The following ASPM variants were observed in gnomAD, a reference collection of about 807,000 sequenced individuals.
ASPM encodes abnormal spindle-like microcephaly-associated protein.
In ASPM, 256 loss-of-function variants were observed where a neutral mutation model predicts 366.4. The observed-to-expected ratio is 0.70, with a 90% CI of 0.63 to 0.77. ASPM has a LOEUF of 0.77. ASPM is among the 30% of genes least tolerant of loss of function. The pLI is 0.00. For synonymous variants in ASPM, 1,414 were observed against 1,342.9 expected (o/e 1.05, Z -1.16); for missense variants, 4,146 against 4,090.4 (o/e 1.01, Z -0.37).
intron 17 of ASPM, among the ~76,000 whole-genome samples, chr1:197,106,924 G>A (rs1361368638): frequency 6.6e-6 from 1 of 152,038 alleles, no homozygotes; most frequent in Non-Finnish European, 1.5e-5. Context: ...TCTGCAGCAG[G>A]TTGAGTGCAT....
intron 17 of ASPM, among the ~76,000 whole-genome samples, chr1:197,111,399 A>G (rs942372793): frequency 2.6e-5 from 4 of 152,014 alleles, no homozygotes; most frequent in African/African-American, 9.7e-5. Flanking sequence ...TCACCCGTCA[A>G]GATGGCTGTT....
intron 3 of ASPM, among the ~76,000 whole-genome samples, chr1:197,140,221 A>G (rs1452402225): frequency 6.6e-6 from 1 of 152,230 alleles, no homozygotes; most frequent in East Asian, 1.9e-4. Flanking sequence ...CTGGTAAAAA[A>G]AGAAGTTTAA....
rs1255457107 is a variant in ASPM, at chr1:197,104,327, C to A, written c.4924G>T (p.Ala1642Ser). The change falls in exon 18 of 28, where the codon GCA (alanine) becomes TCA (serine). Residue 1642 changes from alanine (A) to serine (S), a missense_variant. Physicochemically the swap from Ala to Ser is moderately conservative, Grantham distance 99. Around this residue, in one of 3 missense-constraint regions of ASPM, gnomAD observed 3,624 missense variants for 3,591.7 expected, o/e 1.01. Coordinates refer to ENST00000367409, the MANE Select transcript of ASPM (RefSeq NM_018136.5). ...TTCCTGGCTTGCATCCCTCTATATG[C>A]AGACTGCAGCACAATGACAGCAGAG... ...TRSAVIVLQS[A>S]YRGMQARKMY... 1 of 1,613,030 alleles carries A rather than the reference C, an allele frequency of 6.2e-7. No individual in the cohort carries two copies. The highest frequency in any genetic ancestry group is 1.3e-5 in the African/African-American group (1 of 74,928).
In ASPM at chr1:197,084,504, TA is replaced by T. The variant is rs1558319852; in HGVS notation, c.10332-79del. On this transcript the variant is annotated intron_variant, in intron 27 of 27. Transcript: ENST00000367409. ...TTACCTTCACCTTTTTTCTCTTAAC[TA>T]AATTGTAGCTACTCCTGAACACATC... is the stretch of plus-strand genomic sequence containing the variant. The T allele has an allele frequency of 4.8e-5, 46 of 957,854 alleles. 1 individual carries two copies. The highest frequency in any genetic ancestry group is 3.0e-4 in the South Asian group (22 of 73,584). The allele number at this position is 957,854 out of a possible 1,614,324, so 59.3% of individuals were successfully genotyped here. A position where few individuals can be genotyped will look rare whatever the true frequency, so the allele number is the denominator to read the frequency against.
rs750568990 is a variant in ASPM, at chr1:197,101,822, ACTT to A, written c.7426_7428del (p.Lys2476del). On this transcript the variant is annotated inframe_deletion, in exon 18 of 28. Coordinates refer to ENST00000367409, the MANE Select transcript of ASPM (RefSeq NM_018136.5). ...ACTGCAGCCCTTTGCATTTCTTGTA[ACTT>A]CTTCTTTACCATCAGTCTTCTGTAA... The A allele has an allele frequency of 1.4e-5, 23 of 1,612,694 alleles. No homozygotes were observed. The highest frequency in any genetic ancestry group is 6.7e-5 in the East Asian group (3 of 44,832).
rs749014126 is a variant in ASPM, at chr1:197,139,781, T to C, written c.2012A>G (p.Lys671Arg). 1.2e-6 allele frequency: 2 copies of C among 1,606,216 alleles called. No individual in the cohort carries two copies. Among genetic ancestry groups the C allele is most frequent in the African/African-American group, 2.7e-5 (2 of 74,744 alleles). Residue 671 changes from lysine (K) to arginine (R), a missense_variant, in exon 4 of 28, where the codon AAA becomes AGA. Lys to Arg is a conservative substitution (Grantham distance 26). Transcript: ENST00000367409. ...TAAATACTTGCCTGTTTTTAATGGT[T>C]TTATGAAGGTCAAACTGGACTGTGC... Reference protein sequence around the residue: ...AVAQSSLTFIKPLKTDIPRHP... With the variant: ...AVAQSSLTFIRPLKTDIPRHP...
intron 7 of ASPM, among the ~76,000 whole-genome samples, chr1:197,130,282 A>G (rs978031729): frequency 1.3e-5 from 2 of 152,198 alleles, no homozygotes; most frequent in East Asian, 1.9e-4. Flanking sequence ...CAGGACTAAG[A>G]TAAGTCTTAA....
Position 197,103,311 on chromosome 1 carries a change from G to A in ASPM, c.5940C>T (p.Tyr1980=), listed in dbSNP as rs150642468. 506 of 1,613,082 alleles carry A rather than the reference G, an allele frequency of 3.1e-4. 3 individuals carry two copies. In the African/African-American group the frequency reaches 6.1e-3, roughly 19 times the overall value. ...QHKCAIIIQS[Y]YRMHVQQKKW... is the part of the protein sequence containing the mutation. ...TCTTTTGTTGCACATGCATTCTATA[G>A]TATGACTGTATGATGATAGCACATT... Residue 1980 remains tyrosine (Y), a synonymous_variant, in exon 18 of 28, where the codon TAC becomes TAT. Coordinates refer to ENST00000367409, the MANE Select transcript of ASPM (RefSeq NM_018136.5).
In ASPM at chr1:197,146,495, A is replaced by T. The variant is rs1030985769; in HGVS notation, c.-58T>A. 4 of 1,585,960 alleles carry T rather than the reference A, an allele frequency of 2.5e-6. No homozygotes were observed. Among genetic ancestry groups the T allele is most frequent in the African/African-American group, 1.3e-5 (1 of 74,454 alleles). On this transcript the variant is annotated 5_prime_UTR_variant, in exon 1 of 28. Transcript: ENST00000367409. ...CCCCGCTCCCACGAGGCGGCTCCGG[A>T]GCGGGGATCCGGGACTTACGCTGAC...
intron 7 of ASPM, 64 bp from the exon 8 acceptor site, chr1:197,130,120 G>A: frequency 1.9e-6 from 3 of 1,539,446 alleles, no homozygotes; most frequent in South Asian, 2.2e-5. Context: ...GGAAGTGACT[G>A]AGGAATGGCA....
intron 4 of ASPM, 33 bp from the exon 5 acceptor site, chr1:197,135,275 AT>A: frequency 6.2e-7 from 1 of 1,609,026 alleles, no homozygotes; most frequent in Non-Finnish European, 8.5e-7. Flanking sequence ...GCATAACAAA[AT>A]TTCCTTTAAC....
chr1:197,137,835 T>C (rs1366022499), intron 4 of ASPM, among the ~76,000 whole-genome samples: 1 of 152,186 alleles, frequency 6.6e-6, no homozygotes, highest in Non-Finnish European at 1.5e-5. Flanking sequence ...TAAGACATAA[T>C]ATTATCATTC....
Position 197,117,907 on chromosome 1 carries a change from A to G in ASPM, c.3947T>C (p.Val1316Ala), listed in dbSNP as rs754770932. 1.9e-6 allele frequency: 3 copies of G among 1,613,354 alleles called. No individual in the cohort carries two copies. The Admixed American group carries it at 5.0e-5, about 27-fold the overall frequency. ...FLAKQRLRKRVNAALVIQKYW... is the reference protein window; with the variant it reads ...FLAKQRLRKRANAALVIQKYW... ...TTTCTGAATGACGAGTGCTGCATTAACTCTTTTTCTCAATCTTTGTTTTGC... is the reference window on the plus strand; with the variant it reads ...TTTCTGAATGACGAGTGCTGCATTAGCTCTTTTTCTCAATCTTTGTTTTGC... The change falls in exon 17 of 28, where the codon GTT becomes GCT. Residue 1316 changes from valine to alanine, a missense_variant. Transcript: ENST00000367409.
rs552512102 is a variant in ASPM at position 197,133,472 on chromosome 1, C to T, written c.2297G>A (p.Arg766His). 13 of 1,614,054 alleles carry T rather than the reference C, an allele frequency of 8.1e-6. 1 individual carries two copies. The highest frequency in any genetic ancestry group is 5.5e-5 in the South Asian group (5 of 91,076). Residue 766 changes from arginine (R) to histidine (H), a missense_variant, in exon 6 of 28, where the codon CGT becomes CAT. Coordinates refer to ENST00000367409, the MANE Select transcript of ASPM (RefSeq NM_018136.5). ...AGTAAACAAACGGCATGCTGCACGA[C>T]GTAGTCTGTTTAACCTACACCGAGC... The part of the protein sequence containing the change: ...YTARCRLNRL[R>H]RAACRLFTSE...
chr1:197,129,862 T>C (rs1658208545), intron 8 of ASPM, 53 bp downstream of exon 8: 1 of 1,565,666 alleles, frequency 6.4e-7, no homozygotes, highest in Non-Finnish European at 8.8e-7. Flanking sequence ...AGAATGACAA[T>C]AAGCCATTCA....
At position 197,084,171 on chromosome 1, in the gene ASPM, T is replaced by C. The variant is rs1418973086; in HGVS notation, c.*153A>G. ...TTTATTACATGCATAAAACTATAAA[T>C]GATAAAAATGAAGAATGTAATGAAC... On this transcript the variant is annotated 3_prime_UTR_variant, in exon 28 of 28. Coordinates refer to ENST00000367409, the MANE Select transcript of ASPM (RefSeq NM_018136.5). 2 of 626,842 alleles carry C rather than the reference T, an allele frequency of 3.2e-6. No homozygotes were observed. The highest frequency in any genetic ancestry group is 2.8e-5 in the East Asian group (1 of 36,346). 38.8% of individuals were successfully genotyped at this position (626,842 alleles called of 1,614,324 possible).
Position 197,133,505 on chromosome 1 carries a change from G to A in ASPM, c.2264C>T (p.Ala755Val). The change falls in exon 6 of 28, where the codon GCT (alanine) becomes GTT (valine). Residue 755 changes from alanine (A) to valine (V), a missense_variant. Transcript: ENST00000367409. ...GTTTAACCTACACCGAGCAGTATAA[G>A]CTCTGAGAGACATTTCCTCTTTTGT... ...APTKEEMSLR[A>V]YTARCRLNRL... The A allele has an allele frequency of 1.9e-6, 3 of 1,614,088 alleles. No individual in the cohort carries two copies. The highest frequency in any genetic ancestry group is 2.2e-5 in the South Asian group (2 of 91,080).
At position 197,102,524 on chromosome 1, in the gene ASPM, C is replaced by G. The variant is rs148425392; in HGVS notation, c.6727G>C (p.Val2243Leu). Residue 2243 changes from valine to leucine, a missense_variant, in exon 18 of 28, where the codon GTA becomes CTA. Val to Leu is a conservative substitution (Grantham distance 32). This residue lies in a region of ASPM where 3,624 missense variants were observed against 3,591.7 expected (regional missense o/e 1.01). Transcript: ENST00000367409. The part of the protein sequence containing the change: ...FQRYNKLRHS[V>L]IYIQAIFRGK... ...CTAAAAATAGCCTGAATGTATATTA[C>G]AGAATGCCTCAGTTTGTTATACCTT... The G allele has an allele frequency of 6.2e-7, 1 of 1,612,558 alleles. No individual in the cohort carries two copies. Among genetic ancestry groups the G allele is most frequent in the Non-Finnish European group, 8.5e-7 (1 of 1,179,214 alleles).
rs1657260795 is a variant in ASPM at position 197,103,212 on chromosome 1, C to A, written c.6039G>T (p.Gln2013His). The change falls in exon 18 of 28, where the codon CAG becomes CAT. Residue 2013 changes from glutamine to histidine, a missense_variant. Physicochemically the swap from Gln to His is conservative, Grantham distance 24. Around this residue, in one of 3 missense-constraint regions of ASPM, gnomAD observed 3,624 missense variants for 3,591.7 expected, o/e 1.01. Coordinates refer to ENST00000367409, the MANE Select transcript of ASPM (RefSeq NM_018136.5). Reference sequence around the variant, plus strand: ...CTTTTGTTTTCAAATATAAATGATTCTGTTCTCTTCCAATACTGTAAGCCC... The same window carrying A: ...CTTTTGTTTTCAAATATAAATGATTATGTTCTCTTCCAATACTGTAAGCCC... Reference protein sequence around the residue: ...YYRAYSIGREQNHLYLKTKAA... With the variant: ...YYRAYSIGREHNHLYLKTKAA... The A allele has an allele frequency of 6.2e-7, 1 of 1,612,600 alleles. No individual in the cohort carries two copies. The highest frequency in any genetic ancestry group is 1.7e-5 in the Admixed American group (1 of 59,756).
Sources: gnomAD v4.1 joint callset for allele counts (sites outside exome capture counted in the v4.1 genomes callset) on GRCh38, gnomAD v4.1.1 for gene constraint, gnomAD v4.1.1 regional missense constraint, MANE v1.5 for transcripts, NCBI Gene and HGNC (gene_info 2026-07-23, HGNC 2026-07-21) for gene names.